Variants in TRIM26 observed in about 807,000 individuals in gnomAD.
The protein encoded by TRIM26 is tripartite motif-containing protein 26.
TRIM26 carries 16 observed loss-of-function variants against 45.5 expected under a neutral mutation model. The ratio of observed to expected loss-of-function variants is 0.35; its 90% CI spans 0.24 to 0.53. The LOEUF is 0.53. Ranked by LOEUF, TRIM26 falls within the 20% of genes least tolerant of loss-of-function variation. The pLI is 0.92. For missense variants in TRIM26, 442 were observed against 691.1 expected, an observed-to-expected ratio of 0.64 and a Z score of 4.04; for synonymous variants, 273 against 290.4, an observed-to-expected ratio of 0.94 and a Z score of 0.61.
intron 2 of TRIM26, among the ~76,000 whole-genome samples, chr6:30,204,282 G>T (rs906755208): frequency 6.6e-6 from 1 of 152,162 alleles, no homozygotes; most frequent in Non-Finnish European, 1.5e-5. Context: ...TCCCTACCCA[G>T]GCACACTGTA....
intron 9 of TRIM26, chr6:30,187,543 G>T: frequency 2.0e-6 from 1 of 494,142 alleles, no homozygotes; most frequent in South Asian, 1.6e-5. Context: ...CGACATCTTT[G>T]AAGTAGAAAT....
chr6:30,184,720 A>C lies in TRIM26; in HGVS notation c.*1156T>G, dbSNP rs1343141209. On this transcript the variant is annotated 3_prime_UTR_variant, in exon 10 of 10. Coordinates refer to ENST00000454678, the MANE Select transcript of TRIM26 (RefSeq NM_003449.5). The stretch of plus-strand genomic sequence containing the variant: ...GGGTGGAGGACTTAAAACTTGGATG[A>C]ACAGGGGCTGGCAGAGCACTTGGAA... 1 of 153,012 alleles carries C rather than the reference A, an allele frequency of 6.5e-6. No homozygotes were observed. The highest frequency in any genetic ancestry group is 1.5e-5 in the Non-Finnish European group (1 of 68,292). 9.5% of individuals were successfully genotyped at this position (153,012 alleles called of 1,614,324 possible).
chr6:30,193,131 CATAT>C (rs41316798), intron 6 of TRIM26, among the ~76,000 whole-genome samples: 3 of 43,080 alleles, frequency 7.0e-5, no homozygotes, highest in African/African-American at 2.5e-4. Flanking sequence ...TATATATATA[CATAT>C]ATGTGTGTGT....
intron 5 of TRIM26, among the ~76,000 whole-genome samples, chr6:30,197,351 G>C (rs1776596814): frequency 6.6e-6 from 1 of 152,140 alleles, no homozygotes; most frequent in Admixed American, 6.5e-5. Flanking sequence ...CTGAGCTGGG[G>C]GCAGCCATGC....
At chr6:30,197,852 T>C (rs1043281736) in intron 5 of TRIM26, among the ~76,000 whole-genome samples, 44 of 152,190 alleles carry the variant, frequency 2.9e-4, no homozygotes, top group African/African-American at 9.6e-4. Context: ...TCTGAATATT[T>C]CTGATCCATG....
chr6:30,185,265 T>C lies in TRIM26; in HGVS notation c.*611A>G, dbSNP rs1236353922. ...GCTATGGAAATATGCTCAGCCCTGG[T>C]TTCAGAGAAGCCTGGACTCCACTCT... On this transcript the variant is annotated 3_prime_UTR_variant, in exon 10 of 10. Transcript: ENST00000454678. This position sits in a 1 kb window ranked among gnomAD's most constrained non-coding sequence, Gnocchi z 5.7. The C allele has an allele frequency of 1.3e-5, 2 of 152,262 alleles. No individual in the cohort carries two copies. Among genetic ancestry groups the C allele is most frequent in the Non-Finnish European group, 2.9e-5 (2 of 68,158 alleles). 9.4% of individuals were successfully genotyped at this position (152,262 alleles called of 1,614,324 possible). A position where few individuals can be genotyped will look rare whatever the true frequency, so the allele number is the denominator to read the frequency against.
intron 9 of TRIM26, chr6:30,188,362 TG>T: frequency 2.3e-6 from 1 of 442,494 alleles, no homozygotes. Flanking sequence ...ACTACCAGCC[TG>T]CTCTGTAAGA....
At chr6:30,199,329 T>G in intron 3 of TRIM26, 65 bp from the exon 4 acceptor site, 2 of 469,104 alleles carry the variant, frequency 4.3e-6, no homozygotes, top group East Asian at 6.3e-5. Context: ...TTCCTCATTG[T>G]ACAGATAAGG....
chr6:30,199,124 G>A lies in TRIM26; in HGVS notation c.-21C>T. ...GCCATGGTATCCTTAGTTCAGAGAG[G>A]TCTCCGTTCACTGGTGAGGACTTCT... On this transcript the variant is annotated 5_prime_UTR_variant, in exon 4 of 10. Coordinates refer to ENST00000454678, the MANE Select transcript of TRIM26 (RefSeq NM_003449.5). 6.5e-7 allele frequency: 1 copy of A among 1,531,294 alleles called. No individual in the cohort carries two copies. Among genetic ancestry groups the A allele is most frequent in the Non-Finnish European group, 8.8e-7 (1 of 1,137,016 alleles). 94.9% of individuals were successfully genotyped at this position (1,531,294 alleles called of 1,614,324 possible). A position where few individuals can be genotyped will look rare whatever the true frequency, so the allele number is the denominator to read the frequency against.
In TRIM26 at chr6:30,209,213, T is replaced by C. The variant is rs1228873815; in HGVS notation, c.-376+4092A>G. ...GAATCTAAGCCATCAGCAAGGGAGT[T>C]AGTGCTTTTCATCAAATTTGAGACA... On this transcript the variant is annotated intron_variant, in intron 1 of 9. Transcript: ENST00000454678. This position sits in a 1 kb window ranked among gnomAD's most constrained non-coding sequence, Gnocchi z 4.8. 1.3e-5 allele frequency among the ~76,000 whole-genome samples: 2 copies of C among 152,258 alleles called. No individual in the cohort carries two copies. Among genetic ancestry groups the C allele is most frequent in the East Asian group, 3.9e-4 (2 of 5,184 alleles).
Position 30,190,118 on chromosome 6 carries a change from A to T in TRIM26, c.766-83T>A. ...ATCTGCACCCAACACTGTAGCAGAG[A>T]TGGGACATATCAGTGAACAAAACAA... On this transcript the variant is annotated intron_variant, in intron 6 of 9. Coordinates refer to ENST00000454678, the MANE Select transcript of TRIM26 (RefSeq NM_003449.5). The surrounding 1 kb of genome is among the most constrained non-coding windows in gnomAD (Gnocchi z 4.3). 1.4e-6 allele frequency: 2 copies of T among 1,441,606 alleles called. No homozygotes were observed. The highest frequency in any genetic ancestry group is 1.2e-5 in the South Asian group (1 of 85,810). 89.3% of individuals were successfully genotyped at this position (1,441,606 alleles called of 1,614,324 possible).
chr6:30,197,833 T>C (rs1280216695), intron 5 of TRIM26, among the ~76,000 whole-genome samples: 1 of 152,220 alleles, frequency 6.6e-6, no homozygotes, highest in Non-Finnish European at 1.5e-5. Flanking sequence ...AGAGACGCTT[T>C]TTCTTTTTTC....
chr6:30,190,291 T>G lies in TRIM26; in HGVS notation c.766-256A>C. The stretch of plus-strand genomic sequence containing the variant: ...CTCTGGGAGATACCTGCGCAGAGAA[T>G]TGACGGATAAGAAGTACTGGCCGGA... On this transcript the variant is annotated intron_variant, in intron 6 of 9. Coordinates refer to ENST00000454678, the MANE Select transcript of TRIM26 (RefSeq NM_003449.5). The surrounding 1 kb of genome is among the most constrained non-coding windows in gnomAD (Gnocchi z 4.3). The G allele has an allele frequency of 1.7e-6, 1 of 581,304 alleles. No individual in the cohort carries two copies. The highest frequency in any genetic ancestry group is 2.1e-5 in the South Asian group (1 of 47,572). The allele number at this position is 581,304 out of a possible 1,614,324, so 36.0% of individuals were successfully genotyped here.
chr6:30,211,019 C>G (rs1423108711), intron 1 of TRIM26, among the ~76,000 whole-genome samples: 1 of 152,160 alleles, frequency 6.6e-6, no homozygotes, highest in Non-Finnish European at 1.5e-5. Flanking sequence ...AGAATGTGAA[C>G]CCAAAGGTCA....
rs139993427 is a variant in TRIM26, at chr6:30,203,589, G to C, written c.-266+1067C>G. Among the ~76,000 whole-genome samples, 674 of 151,720 alleles carry C rather than the reference G, an allele frequency of 4.4e-3. 1 individual carries two copies. Among genetic ancestry groups the C allele is most frequent in the African/African-American group, 0.011 (474 of 41,358 alleles). ...CACCACCACATCCGGCTAATTTTTT[G>C]TAGTTTTAGTAGAGACGGGGTTTCA... On this transcript the variant is annotated intron_variant, in intron 2 of 9. Coordinates refer to ENST00000454678, the MANE Select transcript of TRIM26 (RefSeq NM_003449.5).
Position 30,196,719 on chromosome 6 carries a change from T to G in TRIM26, c.562A>C (p.Ile188Leu). 1 of 1,614,228 alleles carries G rather than the reference T, an allele frequency of 6.2e-7. No homozygotes were observed. The highest frequency in any genetic ancestry group is 2.2e-5 in the East Asian group (1 of 44,890). ...TGACCCTGCTCAAACTCAGCCACAATGTACTGCCTCTGGTCCTGGAGCTTC... is the reference window on the plus strand; with the variant it reads ...TGACCCTGCTCAAACTCAGCCACAAGGTACTGCCTCTGGTCCTGGAGCTTC... ...LKKLQDQRQY[I>L]VAEFEQGHQF... Residue 188 changes from isoleucine to leucine, a missense_variant, in exon 6 of 10, where the codon ATT (isoleucine) becomes CTT (leucine). Physicochemically the swap from Ile to Leu is conservative, Grantham distance 5. Coordinates refer to ENST00000454678, the MANE Select transcript of TRIM26 (RefSeq NM_003449.5). The surrounding 1 kb of genome is among the most constrained non-coding windows in gnomAD (Gnocchi z 4.9).
intron 2 of TRIM26, among the ~76,000 whole-genome samples, chr6:30,203,031 T>G (rs1208731505): frequency 1.3e-5 from 2 of 149,648 alleles, no homozygotes; most frequent in Non-Finnish European, 3.0e-5. Context: ...TATTAAAAAA[T>G]TATTTCCTCT....
intron 6 of TRIM26, among the ~76,000 whole-genome samples, chr6:30,193,055 C>A (rs1453549143): frequency 1.1e-4 from 9 of 80,288 alleles, no homozygotes; most frequent in African/African-American, 5.3e-4. Context: ...GTTACTACAG[C>A]TTTGTAGTAT....
At position 30,190,856 on chromosome 6, in the gene TRIM26, G is replaced by A. The variant is rs775230918; in HGVS notation, c.766-821C>T. Among the ~76,000 whole-genome samples the A allele has an allele frequency of 1.2e-4, 18 of 152,300 alleles. No homozygotes were observed. Among genetic ancestry groups the A allele is most frequent in the Non-Finnish European group, 2.5e-4 (17 of 68,022 alleles). On this transcript the variant is annotated intron_variant, in intron 6 of 9. Coordinates refer to ENST00000454678, the MANE Select transcript of TRIM26 (RefSeq NM_003449.5). The surrounding 1 kb of genome is among the most constrained non-coding windows in gnomAD (Gnocchi z 4.3). ...TTGGATAAGCTTATGTACAGCTACT[G>A]TGATAGCTCTAGACCCTGCACCTCT...
Sources: gnomAD v4.1 joint callset for allele counts (sites outside exome capture counted in the v4.1 genomes callset) on GRCh38, gnomAD v4.1.1 for gene constraint, Gnocchi (gnomAD v3.1) non-coding constraint, MANE v1.5 for transcripts, NCBI Gene and HGNC (gene_info 2026-07-23, HGNC 2026-07-21) for gene names.